Variants in OCA2 observed in about 807,000 individuals in gnomAD.
OCA2 encodes the protein P protein.
Under a neutral mutation model 100.2 loss-of-function variants are expected in OCA2, and 77 were observed. The ratio of observed to expected loss-of-function variants is 0.77; its 90% CI spans 0.64 to 0.93. OCA2 has a LOEUF of 0.93. Ranked by LOEUF, OCA2 falls within the 40% of genes least tolerant of loss-of-function variation. The probability of loss-of-function intolerance (pLI) is 0.00; values close to 1 mark genes in which losing one functional copy is unlikely to be tolerated. For missense variants in OCA2, 1,062 were observed against 1,089.1 expected, an observed-to-expected ratio of 0.98 and a Z score of 0.35; for synonymous variants, 432 against 439.2, an observed-to-expected ratio of 0.98 and a Z score of 0.21.
intron 23 of OCA2, among the ~76,000 whole-genome samples, chr15:27,789,000 T>C (rs2032953046): frequency 6.6e-6 from 1 of 152,150 alleles, no homozygotes; most frequent in Admixed American, 6.5e-5. Context: ...TGGCCCATTC[T>C]TTCCCTCCTC....
intron 2 of OCA2, among the ~76,000 whole-genome samples, chr15:28,071,372 C>A (rs1000204449): frequency 2.0e-5 from 3 of 152,086 alleles, no homozygotes; most frequent in African/African-American, 7.2e-5. Flanking sequence ...CAATGCTATT[C>A]CTATCAAACT....
chr15:27,878,282 T>TA (rs896393978), intron 19 of OCA2, among the ~76,000 whole-genome samples: 2 of 152,128 alleles, frequency 1.3e-5, no homozygotes, highest in Non-Finnish European at 2.9e-5. Flanking sequence ...CTTTTACACT[T>TA]ACCTACTATT....
chr15:27,805,936 C>T, intron 23 of OCA2, among the ~76,000 whole-genome samples: 1 of 152,250 alleles, frequency 6.6e-6, no homozygotes, highest in African/African-American at 2.4e-5. Context: ...CGCCCGCCTC[C>T]AGGCCGAATG....
In OCA2 at chr15:27,824,578, TTC is replaced by T. The variant is rs368293640; in HGVS notation, c.2432+20379_2432+20380del. On this transcript the variant is annotated intron_variant, in intron 23 of 23. Transcript: ENST00000354638. ...CTAATTTCTTTTGAATAAATACAATTTCTCTCTCTCTCTCTCTCTCTCTCTAT... is the reference window on the plus strand; with the variant it reads ...CTAATTTCTTTTGAATAAATACAATTTCTCTCTCTCTCTCTCTCTCTCTAT... Among the ~76,000 whole-genome samples, 13 of 53,622 alleles carry T rather than the reference TTC, an allele frequency of 2.4e-4. 1 individual carries two copies. Among genetic ancestry groups the T allele is most frequent in the African/African-American group, 9.0e-4 (7 of 7,776 alleles). 35.2% of individuals were successfully genotyped at this position (53,622 alleles called of 152,430 possible).
chr15:27,824,189 A>C (rs2034611402), intron 23 of OCA2, among the ~76,000 whole-genome samples: 1 of 152,106 alleles, frequency 6.6e-6, no homozygotes, highest in African/African-American at 2.4e-5. Flanking sequence ...CTAACATGGC[A>C]AAACTCCATC....
Position 28,018,560 on chromosome 15 carries a change from C to A in OCA2, c.647-3G>T, listed in dbSNP as rs572955525. On this transcript the variant is annotated splice_polypyrimidine_tract_variant and splice_region_variant and intron_variant, in intron 6 of 23. Transcript: ENST00000354638. ...CACGTGGCTGCTAAGGTTCACGGCT[C>A]GGAGAGTGTCAAGGAGAACCACAAG... is the stretch of plus-strand genomic sequence containing the variant. 1.2e-6 allele frequency: 2 copies of A among 1,611,802 alleles called. No individual in the cohort carries two copies. The highest frequency in any genetic ancestry group is 1.7e-6 in the Non-Finnish European group (2 of 1,179,568).
At chr15:27,866,975 C>T (rs568543921) in intron 21 of OCA2, among the ~76,000 whole-genome samples, 17 of 152,332 alleles carry the variant, frequency 1.1e-4, no homozygotes, top group Admixed American at 5.9e-4. Flanking sequence ...CTGGACTCAG[C>T]AGCCAGCGTC....
At position 27,926,272 on chromosome 15, in the gene OCA2, G is replaced by T. The variant is rs772841937; in HGVS notation, c.1952-18C>A. The T allele has an allele frequency of 1.4e-5, 22 of 1,613,686 alleles. 1 individual carries two copies. In the South Asian group the frequency reaches 2.4e-4, roughly 18 times the overall value. The stretch of plus-strand genomic sequence containing the variant: ...AATCCATCCTGAAAATAAGTAAATA[G>T]ACATAGAGATATAGTTCCACTGTTA... On this transcript the variant is annotated intron_variant, in intron 18 of 23. Coordinates refer to ENST00000354638, the MANE Select transcript of OCA2 (RefSeq NM_000275.3).
chr15:28,006,415 GC>G (rs1304645433), intron 9 of OCA2, among the ~76,000 whole-genome samples: 3 of 152,188 alleles, frequency 2.0e-5, no homozygotes, highest in Non-Finnish European at 4.4e-5. Context: ...CAAAATACTT[GC>G]CATTTTTCTA....
chr15:28,028,803 A>G (rs1256288980), intron 3 of OCA2, among the ~76,000 whole-genome samples: 1 of 152,114 alleles, frequency 6.6e-6, no homozygotes, highest in East Asian at 1.9e-4. Flanking sequence ...CTCCTGCCTC[A>G]GCCTCCCCAG....
intron 4 of OCA2, among the ~76,000 whole-genome samples, chr15:28,026,272 C>T (rs1436889261): frequency 6.6e-6 from 1 of 152,166 alleles, no homozygotes; most frequent in Non-Finnish European, 1.5e-5. Flanking sequence ...GCAAAAGTCT[C>T]AAATGTACTT....
At chr15:27,855,332 C>T (rs539717202) in intron 21 of OCA2, among the ~76,000 whole-genome samples, 137 of 152,372 alleles carry the variant, frequency 9.0e-4, no homozygotes, top group Admixed American at 2.9e-3. Flanking sequence ...ACCCTTCAAT[C>T]TGAGGCAAGC....
intron 23 of OCA2, among the ~76,000 whole-genome samples, chr15:27,833,256 C>G (rs1291868651): frequency 6.6e-6 from 1 of 152,208 alleles, no homozygotes; most frequent in African/African-American, 2.4e-5. Flanking sequence ...AAGTTTAGGC[C>G]AAGCTTCCTT....
At position 27,755,307 on chromosome 15, in the gene OCA2, G is replaced by T; in HGVS notation, c.*81C>A. On this transcript the variant is annotated 3_prime_UTR_variant, in exon 24 of 24. Coordinates refer to ENST00000354638, the MANE Select transcript of OCA2 (RefSeq NM_000275.3). ...GTAAGCACCTTTTCTTCTTCAAACA[G>T]TGGGGTCAGGGTAGTTTTATGACTA... 9.9e-7 allele frequency: 1 copy of T among 1,015,094 alleles called. No homozygotes were observed. Among genetic ancestry groups the T allele is most frequent in the Non-Finnish European group, 1.6e-6 (1 of 639,768 alleles). The allele number at this position is 1,015,094 out of a possible 1,614,324, so 62.9% of individuals were successfully genotyped here.
At chr15:27,781,165 A>G (rs2032520950) in intron 23 of OCA2, among the ~76,000 whole-genome samples, 1 of 152,210 alleles carries the variant, frequency 6.6e-6, no homozygotes, top group South Asian at 2.1e-4. Context: ...GTGTGGGTTC[A>G]GTCACCCCAC....
At chr15:28,051,186 T>C (rs981140245) in intron 2 of OCA2, among the ~76,000 whole-genome samples, 2 of 152,232 alleles carry the variant, frequency 1.3e-5, no homozygotes, top group African/African-American at 4.8e-5. Flanking sequence ...CAAAAGGACA[T>C]CCTGGCTCAC....
chr15:28,046,080 G>T (rs1245156288), intron 2 of OCA2, among the ~76,000 whole-genome samples: 2 of 152,094 alleles, frequency 1.3e-5, no homozygotes, highest in Admixed American at 6.5e-5. Flanking sequence ...CCCAGATAGT[G>T]GCCAGAGGAG....
chr15:28,033,355 C>A (rs1247207995), intron 2 of OCA2, among the ~76,000 whole-genome samples: 1 of 152,198 alleles, frequency 6.6e-6, no homozygotes, highest in Non-Finnish European at 1.5e-5. Flanking sequence ...AACAGTAATT[C>A]TTTCTGATCA....
chr15:28,011,797 A>G (rs1388625752), intron 9 of OCA2, among the ~76,000 whole-genome samples: 1 of 151,952 alleles, frequency 6.6e-6, no homozygotes, highest in Non-Finnish European at 1.5e-5. Flanking sequence ...ACGCACCTGT[A>G]GTTTTAGCTA....
Sources: allele counts gnomAD v4.1 joint callset (sites outside exome capture counted in the v4.1 genomes callset), GRCh38; gene constraint gnomAD v4.1.1; transcripts MANE v1.5; gene names NCBI Gene and HGNC (gene_info 2026-07-23, HGNC 2026-07-21).